The following FTO variants were observed in gnomAD, a reference collection of about 807,000 sequenced individuals.
FTO encodes FTO alpha-ketoglutarate dependent dioxygenase, also known as alpha-ketoglutarate-dependent dioxygenase FTO.
FTO carries 47 observed loss-of-function variants against 63.9 expected under a neutral mutation model. The ratio of observed to expected loss-of-function variants is 0.74; its 90% CI spans 0.58 to 0.94. FTO has a LOEUF of 0.94. Ranked by LOEUF, FTO falls within the 40% of genes least tolerant of loss-of-function variation. FTO has a pLI of 0.00. For missense variants in FTO, 562 were observed against 618.1 expected, an observed-to-expected ratio of 0.91 and a Z score of 0.96; for synonymous variants, 207 against 224.4, an observed-to-expected ratio of 0.92 and a Z score of 0.69.
intron 7 of FTO, among the ~76,000 whole-genome samples, chr16:53,898,406 C>T (rs1175347144): frequency 6.6e-6 from 1 of 152,172 alleles, no homozygotes; most frequent in South Asian, 2.1e-4. Context: ...CAAGCACTCT[C>T]TCATTGTAGC....
At chr16:53,799,904 G>A (rs972041917) in intron 1 of FTO, among the ~76,000 whole-genome samples, 6 of 152,088 alleles carry the variant, frequency 3.9e-5, no homozygotes, top group Admixed American at 1.3e-4. Context: ...TGAAACTTCT[G>A]TGTGTATTTT....
intron 8 of FTO, among the ~76,000 whole-genome samples, chr16:53,978,149 T>C (rs563421873): frequency 6.6e-6 from 1 of 152,348 alleles, no homozygotes. Flanking sequence ...TATGCATGTA[T>C]GTCACCCTTG....
At chr16:53,899,150 G>A (rs2081343575) in intron 7 of FTO, among the ~76,000 whole-genome samples, 1 of 152,010 alleles carries the variant, frequency 6.6e-6, no homozygotes, top group East Asian at 1.9e-4. Context: ...ACAGAGGACA[G>A]TCTTGTTTTA....
intron 1 of FTO, among the ~76,000 whole-genome samples, chr16:53,749,441 CT>C (rs748023558): frequency 2.1e-3 from 299 of 140,062 alleles, no homozygotes; most frequent in Middle Eastern, 3.8e-3. Context: ...TTCTTTTTTT[CT>C]TTTTTTTTTT....
At chr16:53,958,396 C>T (rs952138655) in intron 8 of FTO, among the ~76,000 whole-genome samples, 6 of 152,300 alleles carry the variant, frequency 3.9e-5, no homozygotes, top group Non-Finnish European at 8.8e-5. Flanking sequence ...GGGAACACTT[C>T]GGCGGGCAGC....
chr16:53,715,494 G>A (rs1157501361), intron 1 of FTO, among the ~76,000 whole-genome samples: 1 of 152,186 alleles, frequency 6.6e-6, no homozygotes, highest in East Asian at 1.9e-4. Flanking sequence ...TGAACCCATA[G>A]GCAGGATGCA....
At chr16:53,950,875 G>A (rs916106487) in intron 8 of FTO, among the ~76,000 whole-genome samples, 1 of 152,092 alleles carries the variant, frequency 6.6e-6, no homozygotes, top group Non-Finnish European at 1.5e-5. Flanking sequence ...TGTTGTTGAG[G>A]GCTTATTAAG....
intron 4 of FTO, among the ~76,000 whole-genome samples, chr16:53,846,801 CAAAAAAAAAA>C (rs55982417): frequency 1.6e-4 from 17 of 106,904 alleles, no homozygotes; most frequent in Middle Eastern, 4.5e-3. Flanking sequence ...GACTCAGTCT[CAAAAAAAAAA>C]AAAAAAAAAA....
At chr16:53,990,110 C>G (rs2083771970) in intron 8 of FTO, among the ~76,000 whole-genome samples, 3 of 152,232 alleles carry the variant, frequency 2.0e-5, no homozygotes, top group African/African-American at 7.2e-5. Context: ...TGGGAGGAGT[C>G]AAAATTTATA....
chr16:54,102,870 T>G (rs993464794), intron 8 of FTO, among the ~76,000 whole-genome samples: 17 of 152,078 alleles, frequency 1.1e-4, no homozygotes, highest in Non-Finnish European at 2.9e-5. Context: ...AAAGATTTCT[T>G]GTCTGTGCAT....
intron 4 of FTO, among the ~76,000 whole-genome samples, chr16:53,850,686 T>C (rs2079763946): frequency 6.6e-6 from 1 of 152,168 alleles, no homozygotes; most frequent in Middle Eastern, 3.2e-3. Context: ...TTGATATATT[T>C]TTGTTTATTC....
chr16:53,941,667 T>TA (rs2082532601), intron 8 of FTO, among the ~76,000 whole-genome samples: 1 of 152,014 alleles, frequency 6.6e-6, no homozygotes, highest in Non-Finnish European at 1.5e-5. Context: ...GGCAACATGG[T>TA]AAAACCCCAT....
chr16:53,731,689 C>T (rs994151230), intron 1 of FTO, among the ~76,000 whole-genome samples: 1 of 151,770 alleles, frequency 6.6e-6, no homozygotes, highest in East Asian at 2.0e-4. Context: ...CTCAGCCTCC[C>T]GAGTAGCTGG....
chr16:53,820,321 T>G (rs2078823944), intron 2 of FTO, among the ~76,000 whole-genome samples: 1 of 152,124 alleles, frequency 6.6e-6, no homozygotes, highest in South Asian at 2.1e-4. Flanking sequence ...TAGTACTATC[T>G]TCTTTTAGGA....
intron 7 of FTO, among the ~76,000 whole-genome samples, chr16:53,912,717 A>C (rs1307188407): frequency 6.6e-6 from 1 of 152,178 alleles, no homozygotes; most frequent in Non-Finnish European, 1.5e-5. Flanking sequence ...TTAGATGAGA[A>C]GTAGATCTCT....
At chr16:53,834,461 A>G (rs921925958) in intron 3 of FTO, among the ~76,000 whole-genome samples, 4 of 152,188 alleles carry the variant, frequency 2.6e-5, no homozygotes, top group Admixed American at 6.5e-5. Context: ...TTAATTAGCT[A>G]TGGGACCTTA....
chr16:54,067,872 T>G (rs1443063911), intron 8 of FTO, among the ~76,000 whole-genome samples: 1 of 152,204 alleles, frequency 6.6e-6, no homozygotes, highest in Non-Finnish European at 1.5e-5. Context: ...GTTGAGGTGT[T>G]CAAAAGGCTA....
At chr16:54,017,805 C>T (rs1166395878) in intron 8 of FTO, among the ~76,000 whole-genome samples, 2 of 152,026 alleles carry the variant, frequency 1.3e-5, no homozygotes, top group Admixed American at 1.3e-4. Context: ...AAGTCTTTTC[C>T]CCAGGCTAGC....
chr16:53,938,954 C>A (rs546888577), intron 8 of FTO, among the ~76,000 whole-genome samples: 1 of 151,630 alleles, frequency 6.6e-6, no homozygotes, highest in Admixed American at 6.6e-5. Context: ...AAAAATTAGC[C>A]GGGCTTGGTG....
Sources: allele counts gnomAD v4.1 joint callset (sites outside exome capture counted in the v4.1 genomes callset), GRCh38; gene constraint gnomAD v4.1.1; transcripts MANE v1.5; gene names NCBI Gene and HGNC (gene_info 2026-07-23, HGNC 2026-07-21).